Variants in UIMC1 observed in about 807,000 individuals in gnomAD.
UIMC1 encodes BRCA1-A complex subunit RAP80.
A neutral mutation model predicts 84.9 loss-of-function variants in UIMC1; 42 were observed. The ratio of observed to expected loss-of-function variants is 0.49; its 90% CI spans 0.39 to 0.64. UIMC1 has a LOEUF of 0.64. UIMC1 is among the 30% of genes least tolerant of loss of function. UIMC1 has a pLI of 0.00. For synonymous variants in UIMC1, 281 were observed against 293.0 expected, an observed-to-expected ratio of 0.96 and a Z score of 0.42; for missense variants, 825 against 847.6, an observed-to-expected ratio of 0.97 and a Z score of 0.33.
In UIMC1 at chr5:176,908,615, C is replaced by T. The variant is rs144604125; in HGVS notation, c.1756G>A (p.Ala586Thr). The T allele has an allele frequency of 6.2e-7, 1 of 1,614,188 alleles. No individual in the cohort carries two copies. The highest frequency in any genetic ancestry group is 8.5e-7 in the Non-Finnish European group (1 of 1,179,998). ...GGTCCATCTCCTTGGTCAGCCTTTG[C>T]AAGCTGGAGACAGGAGTCCACATGA... Reference protein sequence around the residue: ...QCHVDSCLQLAKADQGDGPEG... With the variant: ...QCHVDSCLQLTKADQGDGPEG... The change falls in exon 12 of 15, where the codon GCA becomes ACA. Residue 586 changes from alanine (A) to threonine (T), a missense_variant. Transcript: ENST00000511320.
rs3733876 is a variant in UIMC1 at position 176,955,994 on chromosome 5, G to A, written c.1304C>T (p.Pro435Leu). The stretch of plus-strand genomic sequence containing the variant: ...AGTGATTTCTTCTGCAGAACTCTCT[G>A]GCATAAGGACTAAGCTTCTCTTACT... ...LTSKRSLVLM[P>L]ESSAEEITVC... Residue 435 changes from proline (P) to leucine (L), a missense_variant, in exon 8 of 15, where the codon CCA (proline) becomes CTA (leucine). Physicochemically the swap from Pro to Leu is moderately conservative, Grantham distance 98 (BLOSUM62 -3). Transcript: ENST00000511320. The A allele has an allele frequency of 0.17, 268,620 of 1,612,168 alleles. 24,527 individuals carry two copies. Among genetic ancestry groups the A allele is most frequent in the East Asian group, 0.19 (8,311 of 44,732 alleles).
intron 9 of UIMC1, among the ~76,000 whole-genome samples, chr5:176,948,065 G>A (rs1016445243): frequency 1.3e-4 from 20 of 151,446 alleles, no homozygotes; most frequent in East Asian, 1.9e-4. Flanking sequence ...CTCACCACAC[G>A]ACTCTTAACA....
At chr5:176,957,502 G>A (rs1181396373) in intron 7 of UIMC1, among the ~76,000 whole-genome samples, 1 of 152,160 alleles carries the variant, frequency 6.6e-6, no homozygotes, top group Non-Finnish European at 1.5e-5. Flanking sequence ...GAACAATGGA[G>A]GAGGTAATGC....
At chr5:176,913,969 C>A (rs1055287500) in intron 10 of UIMC1, among the ~76,000 whole-genome samples, 2 of 151,900 alleles carry the variant, frequency 1.3e-5, no homozygotes, top group Non-Finnish European at 2.9e-5. Context: ...AGAGCTAGAT[C>A]GTCTCAAAAA....
intron 10 of UIMC1, among the ~76,000 whole-genome samples, chr5:176,912,823 C>T (rs1203315228): frequency 2.6e-5 from 4 of 152,078 alleles, no homozygotes; most frequent in African/African-American, 4.8e-5. Flanking sequence ...CCCGCCACGA[C>T]GCCCAGCTAA....
At chr5:176,998,420 C>A (rs116223621) in intron 1 of UIMC1, among the ~76,000 whole-genome samples, 2 of 143,160 alleles carry the variant, frequency 1.4e-5, no homozygotes, top group Non-Finnish European at 3.0e-5. Flanking sequence ...GCTGAGATTG[C>A]GCCACCACTG....
intron 1 of UIMC1, among the ~76,000 whole-genome samples, chr5:177,021,462 G>A (rs966235603): frequency 1.3e-5 from 2 of 152,258 alleles, no homozygotes; most frequent in Non-Finnish European, 2.9e-5. Flanking sequence ...AGCCAGACAA[G>A]GTATTTTAGA....
intron 1 of UIMC1, among the ~76,000 whole-genome samples, chr5:176,993,774 G>C (rs1489714159): frequency 6.6e-6 from 1 of 152,142 alleles, no homozygotes; most frequent in African/African-American, 2.4e-5. Context: ...TTGGGAGGCT[G>C]AGGCAGGAGG....
intron 10 of UIMC1, among the ~76,000 whole-genome samples, chr5:176,931,188 A>G (rs914873465): frequency 6.6e-6 from 1 of 152,158 alleles, no homozygotes; most frequent in African/African-American, 2.4e-5. Context: ...TATAGTCTTG[A>G]TTGTGGCTCT....
chr5:176,940,669 T>C (rs958569496), intron 10 of UIMC1, among the ~76,000 whole-genome samples: 7 of 152,164 alleles, frequency 4.6e-5, no homozygotes, highest in African/African-American at 1.4e-4. Context: ...AAGTGGTTGA[T>C]AGCCAGATTT....
chr5:176,983,037 T>C (rs1170887602), intron 1 of UIMC1, among the ~76,000 whole-genome samples: 1 of 152,240 alleles, frequency 6.6e-6, no homozygotes, highest in Non-Finnish European at 1.5e-5. Flanking sequence ...TTTCACCATG[T>C]TGGCCAGGCT....
At chr5:177,015,220 C>T (rs1561942669) in intron 1 of UIMC1, among the ~76,000 whole-genome samples, 1 of 152,222 alleles carries the variant, frequency 6.6e-6, no homozygotes, top group African/African-American at 2.4e-5. Flanking sequence ...AGGTGGGTAT[C>T]ATCTCCTCAT....
chr5:176,974,045 T>A (rs902475380), intron 3 of UIMC1, among the ~76,000 whole-genome samples: 4 of 151,962 alleles, frequency 2.6e-5, no homozygotes, highest in African/African-American at 9.7e-5. Context: ...GGCGACAGAG[T>A]AGGACCCTGC....
chr5:176,992,418 C>T (rs954306418), intron 1 of UIMC1, among the ~76,000 whole-genome samples: 4 of 149,430 alleles, frequency 2.7e-5, no homozygotes, highest in South Asian at 2.1e-4. Flanking sequence ...AGAACTCAAG[C>T]GTTCAAGACG....
chr5:176,914,788 C>T (rs11750759), intron 10 of UIMC1, among the ~76,000 whole-genome samples: 96 of 152,288 alleles, frequency 6.3e-4, no homozygotes, highest in Non-Finnish European at 1.2e-3. Flanking sequence ...TCTAAGGTTC[C>T]TTCCAATGCA....
At chr5:176,922,170 T>C (rs1761791776) in intron 10 of UIMC1, among the ~76,000 whole-genome samples, 1 of 152,208 alleles carries the variant, frequency 6.6e-6, no homozygotes, top group East Asian at 1.9e-4. Flanking sequence ...TTAAATTGTA[T>C]TTATTATCTG....
At position 176,905,375 on chromosome 5, in the gene UIMC1, T is replaced by A. The variant is rs1759215732; in HGVS notation, c.2067A>T (p.Thr689=). 1 of 1,614,056 alleles carries A rather than the reference T, an allele frequency of 6.2e-7. No individual in the cohort carries two copies. The highest frequency in any genetic ancestry group is 1.3e-5 in the African/African-American group (1 of 74,918). The part of the protein sequence containing the change: ...VKSFVSISEA[T]DCLVDFKKQV... ...GCTTTTTAAAGTCCACTAAGCAATCTGTGGCTTCTGAAATGGAAACAAAAG... is the reference window on the plus strand; with the variant it reads ...GCTTTTTAAAGTCCACTAAGCAATCAGTGGCTTCTGAAATGGAAACAAAAG... The change falls in exon 15 of 15, where the codon ACA becomes ACT. Residue 689 remains threonine, a synonymous_variant. Transcript: ENST00000511320.
intron 10 of UIMC1, among the ~76,000 whole-genome samples, chr5:176,932,440 G>A (rs887416310): frequency 3.9e-5 from 6 of 152,006 alleles, no homozygotes; most frequent in Admixed American, 1.3e-4. Context: ...AATTTCAAAC[G>A]GCATGTTAGA....
intron 13 of UIMC1, 89 bp downstream of exon 13, chr5:176,907,025 C>G: frequency 2.9e-6 from 4 of 1,373,286 alleles, no homozygotes; most frequent in Non-Finnish European, 4.1e-6. Flanking sequence ...ACCCAGATAA[C>G]CACAGCAAAT....
Sources: allele counts gnomAD v4.1 joint callset (sites outside exome capture counted in the v4.1 genomes callset), GRCh38; gene constraint gnomAD v4.1.1; transcripts MANE v1.5; gene names NCBI Gene and HGNC (gene_info 2026-07-23, HGNC 2026-07-21).